ARMC8: variants seen among roughly 807,000 people sequenced by gnomAD.
ARMC8 encodes armadillo repeat-containing protein 8.
ARMC8 carries 20 observed loss-of-function variants against 99.3 expected under a neutral mutation model. The observed-to-expected ratio is 0.20, with a 90% CI of 0.14 to 0.29. ARMC8 has a LOEUF of 0.29. ARMC8 is among the 10% of genes least tolerant of loss of function. The pLI is 1.00. For synonymous variants in ARMC8, 263 were observed against 278.3 expected, an observed-to-expected ratio of 0.95 and a Z score of 0.55; for missense variants, 569 against 809.5, an observed-to-expected ratio of 0.70 and a Z score of 3.60.
chr3:138,285,893 C>T (rs2050358336), intron 19 of ARMC8, among the ~76,000 whole-genome samples: 1 of 152,214 alleles, frequency 6.6e-6, no homozygotes, highest in Non-Finnish European at 1.5e-5. Flanking sequence ...TTTTCCTTAA[C>T]TTCTCATACC....
intron 21 of ARMC8, among the ~76,000 whole-genome samples, chr3:138,295,453 C>G (rs1217292130): frequency 6.6e-6 from 1 of 152,216 alleles, no homozygotes; most frequent in Admixed American, 6.5e-5. Flanking sequence ...CTTCCCAGAA[C>G]CCTAAGTGTT....
chr3:138,209,832 A>G lies in ARMC8; in HGVS notation c.61A>G (p.Ser21Gly). Residue 21 changes from serine to glycine, a missense_variant, in exon 2 of 22, where the codon AGT (serine) becomes GGT (glycine). Physicochemically the swap from Ser to Gly is moderately conservative, Grantham distance 56. This residue lies in a region of ARMC8 where 342 missense variants were observed against 391.6 expected (regional missense o/e 0.87). Transcript: ENST00000469044. ...CACTTTCTAGGAAGTAACAGCTAGC[A>G]GTCGCCACTATGTTGACAGGCTATT... is the stretch of plus-strand genomic sequence containing the variant. ...MSVLSEVTAS[S>G]RHYVDRLFDP... 6.2e-7 allele frequency: 1 copy of G among 1,613,874 alleles called. No individual in the cohort carries two copies. The highest frequency in any genetic ancestry group is 8.5e-7 in the Non-Finnish European group (1 of 1,179,832).
intron 11 of ARMC8, among the ~76,000 whole-genome samples, chr3:138,242,892 C>T (rs1197492853): frequency 6.6e-6 from 1 of 152,190 alleles, no homozygotes; most frequent in Non-Finnish European, 1.5e-5. Flanking sequence ...ATAACCTTCA[C>T]TGGTATTTGT....
At chr3:138,220,079 C>A (rs1280340985) in intron 2 of ARMC8, among the ~76,000 whole-genome samples, 1 of 152,052 alleles carries the variant, frequency 6.6e-6, no homozygotes, top group Non-Finnish European at 1.5e-5. Flanking sequence ...AATGAATGTT[C>A]TACATTAGTA....
intron 16 of ARMC8, among the ~76,000 whole-genome samples, chr3:138,272,537 G>T (rs1035402178): frequency 1.3e-5 from 2 of 152,150 alleles, no homozygotes; most frequent in Non-Finnish European, 2.9e-5. Flanking sequence ...AAAATAGATT[G>T]ATTTATCCTT....
chr3:138,225,299 C>T (rs533352458), intron 5 of ARMC8, among the ~76,000 whole-genome samples: 153 of 152,086 alleles, frequency 1.0e-3, no homozygotes, highest in African/African-American at 3.3e-3. Flanking sequence ...TTAGTAGAGA[C>T]GGGGTTTCAC....
At chr3:138,284,336 T>C in intron 18 of ARMC8, 95 bp from the exon 19 acceptor site, 7 of 855,486 alleles carry the variant, frequency 8.2e-6, no homozygotes, top group Non-Finnish European at 9.8e-6. Flanking sequence ...TGAGAATCCA[T>C]GTACCTTCAA....
intron 16 of ARMC8, among the ~76,000 whole-genome samples, chr3:138,270,953 T>G (rs1415997395): frequency 3.9e-5 from 6 of 152,190 alleles, no homozygotes; most frequent in Admixed American, 3.3e-4. Flanking sequence ...TATCCCTCAT[T>G]CTTATTTTAA....
At chr3:138,262,597 T>TAAA in intron 12 of ARMC8, 25 of 1,380,604 alleles carry the variant, frequency 1.8e-5, no homozygotes, top group South Asian at 1.0e-4. Context: ...CTGAGGAGAT[T>TAAA]AAAAAAAAAA....
At position 138,187,324 on chromosome 3, in the gene ARMC8, A is replaced by G. The variant is rs2043118074; in HGVS notation, c.-231A>G. The G allele has an allele frequency of 2.1e-6, 1 of 483,090 alleles. No homozygotes were observed. Among genetic ancestry groups the G allele is most frequent in the Admixed American group, 3.7e-5 (1 of 26,782 alleles). The allele number at this position is 483,090 out of a possible 1,614,324, so 29.9% of individuals were successfully genotyped here. On this transcript the variant is annotated 5_prime_UTR_variant, in exon 1 of 22. Transcript: ENST00000469044. ...CCGCTTCCACCTCTAACCCAGGCTC[A>G]GAGTAGCTGCTGTTTCTGAGAGAAC...
At chr3:138,223,557 A>T in intron 4 of ARMC8, 26 bp downstream of exon 4, 2 of 1,613,970 alleles carry the variant, frequency 1.2e-6, no homozygotes, top group Middle Eastern at 3.3e-4. Context: ...ATTTTTGCTC[A>T]ATTAAGGTTA....
chr3:138,244,570 G>T lies in ARMC8; in HGVS notation c.1039-518G>T, dbSNP rs376151159. The stretch of plus-strand genomic sequence containing the variant: ...TGGGATTACAGGCGTGAGCCACCGC[G>T]CCCGGCCTCTAAAAGCTTTTTAAAT... On this transcript the variant is annotated intron_variant, in intron 11 of 21. Transcript: ENST00000469044. Among the ~76,000 whole-genome samples, 13 of 152,242 alleles carry T rather than the reference G, an allele frequency of 8.5e-5. No individual in the cohort carries two copies. The South Asian group carries it at 1.9e-3, about 22-fold the overall frequency.
intron 18 of ARMC8, among the ~76,000 whole-genome samples, chr3:138,277,976 G>A (rs1031658301): frequency 2.6e-5 from 4 of 152,256 alleles, no homozygotes; most frequent in East Asian, 1.9e-4. Flanking sequence ...AATGCATTAC[G>A]CTACATGAAA....
At chr3:138,223,957 CTTT>C (rs1037473550) in intron 5 of ARMC8, among the ~76,000 whole-genome samples, 4 of 133,634 alleles carry the variant, frequency 3.0e-5, no homozygotes, top group Admixed American at 7.6e-5. Context: ...GACTCCATCT[CTTT>C]TTTTTTTTTT....
chr3:138,189,049 C>G (rs2043231837), intron 1 of ARMC8, among the ~76,000 whole-genome samples: 1 of 152,092 alleles, frequency 6.6e-6, no homozygotes, highest in Non-Finnish European at 1.5e-5. Flanking sequence ...TGGCTGTTCT[C>G]AGTTCTCCTT....
In ARMC8 at chr3:138,237,365, A is replaced by G. The variant is rs1200474102; in HGVS notation, c.666A>G (p.Val222=). The stretch of plus-strand genomic sequence containing the variant: ...TTTTAGCTTTTGAAAACCCCCAGGT[A>G]TCGATGACCCTGGTAAATGGTAGGC... ...FSVLAFENPQ[V]SMTLVNVLVD... The change falls in exon 8 of 22, where the codon GTA becomes GTG. Residue 222 remains valine (V), a synonymous_variant. Transcript: ENST00000469044. The G allele has an allele frequency of 2.9e-5, 47 of 1,613,762 alleles. No individual in the cohort carries two copies. Among genetic ancestry groups the G allele is most frequent in the Non-Finnish European group, 4.0e-5 (47 of 1,179,824 alleles).
chr3:138,226,677 G>C (rs1366822301), intron 5 of ARMC8, among the ~76,000 whole-genome samples: 1 of 152,060 alleles, frequency 6.6e-6, no homozygotes, highest in South Asian at 2.1e-4. Flanking sequence ...TTTTACCCTG[G>C]AAGTTTCTCA....
chr3:138,220,089 A>G (rs1476840616), intron 2 of ARMC8, among the ~76,000 whole-genome samples: 2 of 152,222 alleles, frequency 1.3e-5, no homozygotes, highest in Admixed American at 1.3e-4. Context: ...CTACATTAGT[A>G]TAGGCAGAAC....
intron 12 of ARMC8, among the ~76,000 whole-genome samples, chr3:138,247,582 T>C (rs2046940147): frequency 6.6e-6 from 1 of 152,156 alleles, no homozygotes; most frequent in Admixed American, 6.5e-5. Flanking sequence ...TAGTGCCCTA[T>C]TATGGCCAGT....
Sources: gnomAD v4.1 joint callset for allele counts (sites outside exome capture counted in the v4.1 genomes callset) on GRCh38, gnomAD v4.1.1 for gene constraint, gnomAD v4.1.1 regional missense constraint, MANE v1.5 for transcripts, NCBI Gene and HGNC (gene_info 2026-07-23, HGNC 2026-07-21) for gene names.